The following ADAMTS17 variants were observed in gnomAD, a reference collection of about 807,000 sequenced individuals.
ADAMTS17 encodes the protein A disintegrin and metalloproteinase with thrombospondin motifs 17.
ADAMTS17 carries 113 observed loss-of-function variants against 141.5 expected under a neutral mutation model. The observed-to-expected ratio is 0.80, with a 90% CI of 0.69 to 0.93. The LOEUF (loss-of-function observed/expected upper bound fraction) is 0.93, where lower values mean the gene tolerates loss of function less well. ADAMTS17 is among the 40% of genes least tolerant of loss of function. The pLI is 0.00. For synonymous variants in ADAMTS17, 768 were observed against 630.6 expected, an observed-to-expected ratio of 1.22 and a Z score of -3.27; for missense variants, 1,659 against 1,517.9, an observed-to-expected ratio of 1.09 and a Z score of -1.54.
chr15:100,248,081 C>T (rs1423822499), intron 7 of ADAMTS17, among the ~76,000 whole-genome samples: 3 of 152,094 alleles, frequency 2.0e-5, no homozygotes, highest in Non-Finnish European at 4.4e-5. Flanking sequence ...TGGGCCCCAG[C>T]GCACAGACCA....
chr15:100,106,814 A>G (rs962455507), intron 14 of ADAMTS17, among the ~76,000 whole-genome samples: 3 of 152,208 alleles, frequency 2.0e-5, no homozygotes, highest in Admixed American at 1.3e-4. Context: ...AAGTTTACCA[A>G]GAACCATCGG....
chr15:100,239,703 A>G (rs2042770123), intron 7 of ADAMTS17, among the ~76,000 whole-genome samples: 1 of 152,136 alleles, frequency 6.6e-6, no homozygotes, highest in Non-Finnish European at 1.5e-5. Flanking sequence ...GTGCTACTGG[A>G]GCACAGTCCA....
intron 10 of ADAMTS17, among the ~76,000 whole-genome samples, chr15:100,140,488 C>CATATATATATATATATCTATATATATAT: frequency 8.0e-6 from 1 of 124,936 alleles, no homozygotes; most frequent in Non-Finnish European, 1.8e-5. Context: ...CACATACATA[C>CATATATATATATATATCTATATATATAT]ATATATATAT....
At chr15:99,977,380 A>T (rs868513833) in intron 20 of ADAMTS17, among the ~76,000 whole-genome samples, 9,014 of 24,824 alleles carry the variant, frequency 0.36, 2,592 homozygotes, top group Non-Finnish European at 0.43. Context: ...ATATATATAT[A>T]TATATATATA....
At chr15:100,179,581 C>G (rs374752016) in intron 8 of ADAMTS17, among the ~76,000 whole-genome samples, 2 of 152,176 alleles carry the variant, frequency 1.3e-5, no homozygotes, top group Non-Finnish European at 2.9e-5. Flanking sequence ...ATTGCTGGAT[C>G]ACAAAAATAG....
At chr15:100,131,820 G>A (rs1285745635) in intron 12 of ADAMTS17, among the ~76,000 whole-genome samples, 187 bp downstream of exon 12, 1 of 152,230 alleles carries the variant, frequency 6.6e-6, no homozygotes. Context: ...CACAGAAAGA[G>A]CAATTTAAGC....
intron 15 of ADAMTS17, among the ~76,000 whole-genome samples, chr15:100,064,170 A>G (rs574776176): frequency 2.0e-5 from 3 of 152,326 alleles, no homozygotes; most frequent in East Asian, 1.9e-4. Flanking sequence ...TCGCGAGAAC[A>G]TGAAGGCAGA....
chr15:100,223,990 C>T (rs1020586929), intron 7 of ADAMTS17, among the ~76,000 whole-genome samples: 6 of 152,196 alleles, frequency 3.9e-5, no homozygotes, highest in South Asian at 2.1e-4. Context: ...GGGAGAAAGA[C>T]GTAGGCTGGG....
chr15:100,080,413 CAGG>C (rs140514092), intron 15 of ADAMTS17, among the ~76,000 whole-genome samples: 17,435 of 152,090 alleles, frequency 0.11, 1,636 homozygotes, highest in African/African-American at 0.26. Flanking sequence ...GCATGGAATA[CAGG>C]AGATCCATTA....
At chr15:100,303,575 A>C (rs1487115340) in intron 3 of ADAMTS17, among the ~76,000 whole-genome samples, 1 of 152,122 alleles carries the variant, frequency 6.6e-6, no homozygotes, top group Non-Finnish European at 1.5e-5. Context: ...TTTGCTTCTA[A>C]GACTCTGATA....
intron 3 of ADAMTS17, among the ~76,000 whole-genome samples, chr15:100,300,605 C>T (rs2044996962): frequency 6.6e-6 from 1 of 152,200 alleles, no homozygotes; most frequent in Non-Finnish European, 1.5e-5. Flanking sequence ...GCAAACCAGC[C>T]AAGAGTAGAG....
chr15:100,151,832 C>T lies in ADAMTS17; in HGVS notation c.1473+780G>A, dbSNP rs77927706. Among the ~76,000 whole-genome samples, 963 of 152,332 alleles carry T rather than the reference C, an allele frequency of 6.3e-3. 11 individuals are homozygous for T. The highest frequency in any genetic ancestry group is 0.022 in the African/African-American group (919 of 41,572). On this transcript the variant is annotated intron_variant, in intron 10 of 21. Transcript: ENST00000268070. ...CCCTGCCCTGGGTACCCACATGCCC[C>T]TCTTGGCACCCCTCACCCATAAAAC...
chr15:100,116,940 T>TG lies in ADAMTS17; in HGVS notation c.1794dup (p.Lys599GlnfsTer31). On this transcript the variant is annotated frameshift_variant, in exon 13 of 22. Coordinates refer to ENST00000268070, the MANE Select transcript of ADAMTS17 (RefSeq NM_139057.4). LOFTEE classifies it high-confidence loss of function. ...TGGTCCCGGAAGCTGGGCAGACCCTTGGGGCAGGGCAGGTTCTCGCAGACC... is the reference window on the plus strand; with the variant it reads ...TGGTCCCGGAAGCTGGGCAGACCCTTGGGGGCAGGGCAGGTTCTCGCAGACC... The TG allele has an allele frequency of 6.2e-7, 1 of 1,614,104 alleles. No individual in the cohort carries two copies. The highest frequency in any genetic ancestry group is 8.5e-7 in the Non-Finnish European group (1 of 1,180,028).
At chr15:100,309,191 C>T (rs2141849355) in intron 3 of ADAMTS17, among the ~76,000 whole-genome samples, 1 of 152,264 alleles carries the variant, frequency 6.6e-6, no homozygotes, top group South Asian at 2.1e-4. Context: ...GACCTCATCT[C>T]CACAAAAAAA....
chr15:100,220,901 T>A (rs1334291540), intron 7 of ADAMTS17, among the ~76,000 whole-genome samples: 1 of 152,240 alleles, frequency 6.6e-6, no homozygotes, highest in Admixed American at 6.5e-5. Flanking sequence ...AACTGAGGCA[T>A]CCATTCATCA....
intron 2 of ADAMTS17, among the ~76,000 whole-genome samples, chr15:100,332,765 G>C (rs2046094322): frequency 6.6e-6 from 1 of 152,314 alleles, no homozygotes; most frequent in Admixed American, 6.5e-5. Context: ...CCCATGTGCT[G>C]GTTTCTATAA....
intron 4 of ADAMTS17, among the ~76,000 whole-genome samples, chr15:100,279,236 C>T (rs1240008196): frequency 6.6e-6 from 1 of 152,232 alleles, no homozygotes; most frequent in African/African-American, 2.4e-5. Context: ...ATCCTACCCG[C>T]ACTCTGAGCC....
At chr15:100,052,584 T>C (rs574121265) in intron 16 of ADAMTS17, among the ~76,000 whole-genome samples, 1 of 152,344 alleles carries the variant, frequency 6.6e-6, no homozygotes, top group South Asian at 2.1e-4. Context: ...ACATTGGTGT[T>C]TGCTAGAGAA....
At position 100,013,566 on chromosome 15, in the gene ADAMTS17, C is replaced by T. The variant is rs115037209; in HGVS notation, c.2592-15977G>A. Among the ~76,000 whole-genome samples the T allele has an allele frequency of 6.6e-3, 1,008 of 152,210 alleles. 13 individuals are homozygous for T. The highest frequency in any genetic ancestry group is 0.019 in the African/African-American group (784 of 41,538). On this transcript the variant is annotated intron_variant, in intron 18 of 21. Coordinates refer to ENST00000268070, the MANE Select transcript of ADAMTS17 (RefSeq NM_139057.4). ...ACATTGAGGTATGTCCCTCGCATGCCGGTTTTGCTGAAAGTTTTAATCATA... is the reference window on the plus strand; with the variant it reads ...ACATTGAGGTATGTCCCTCGCATGCTGGTTTTGCTGAAAGTTTTAATCATA...
Sources: allele counts gnomAD v4.1 joint callset (sites outside exome capture counted in the v4.1 genomes callset), GRCh38; gene constraint gnomAD v4.1.1; transcripts MANE v1.5; gene names NCBI Gene and HGNC (gene_info 2026-07-23, HGNC 2026-07-21).